ARMC3: variants seen among roughly 807,000 people sequenced by gnomAD.
The protein encoded by ARMC3 is armadillo repeat containing 3.
In ARMC3, 74 loss-of-function variants were observed where a neutral mutation model predicts 90.3. The ratio of observed to expected loss-of-function variants is 0.82; its 90% CI spans 0.68 to 0.99. ARMC3 has a LOEUF of 0.99. ARMC3 is among the 50% of genes least tolerant of loss of function. The pLI is 0.00. For missense variants in ARMC3, 958 were observed against 1,042.8 expected, an observed-to-expected ratio of 0.92 and a Z score of 1.12; for synonymous variants, 334 against 361.8, an observed-to-expected ratio of 0.92 and a Z score of 0.87.
chr10:22,965,734 C>T (rs1217023182), intron 7 of ARMC3, among the ~76,000 whole-genome samples: 2 of 152,032 alleles, frequency 1.3e-5, no homozygotes, highest in Non-Finnish European at 2.9e-5. Context: ...GATTAAATAA[C>T]GTCTTTTGAT....
intron 10 of ARMC3, among the ~76,000 whole-genome samples, chr10:22,982,229 A>T (rs1372396868): frequency 1.3e-5 from 2 of 152,110 alleles, no homozygotes; most frequent in Non-Finnish European, 2.9e-5. Flanking sequence ...ATACAAAAAA[A>T]TAGCTGGGCG....
intron 16 of ARMC3, among the ~76,000 whole-genome samples, chr10:23,019,398 G>A (rs929977290): frequency 1.3e-5 from 2 of 152,174 alleles, no homozygotes; most frequent in African/African-American, 4.8e-5. Flanking sequence ...ATTGATTTCT[G>A]TATACAATTC....
At chr10:22,981,255 C>A (rs1836168620) in intron 8 of ARMC3, 85 bp from the exon 9 acceptor site, 7 of 1,262,706 alleles carry the variant, frequency 5.5e-6, no homozygotes, top group Non-Finnish European at 7.6e-6. Flanking sequence ...GTTTGAATTC[C>A]TATTAGACTT....
At chr10:22,959,904 C>A in intron 6 of ARMC3, 1 of 468,468 alleles carries the variant, frequency 2.1e-6, no homozygotes, top group East Asian at 6.4e-5. Context: ...TTGACTGAAC[C>A]CTGGTGGTCT....
intron 8 of ARMC3, among the ~76,000 whole-genome samples, chr10:22,974,646 T>G (rs1835838545): frequency 6.6e-6 from 1 of 151,882 alleles, no homozygotes; most frequent in East Asian, 1.9e-4. Context: ...TTTTGTTTGT[T>G]TGTTTGTTTG....
intron 15 of ARMC3, among the ~76,000 whole-genome samples, chr10:23,008,583 C>A (rs1837753203): frequency 6.6e-6 from 1 of 152,160 alleles, no homozygotes; most frequent in Non-Finnish European, 1.5e-5. Context: ...CCCTGTGGAC[C>A]TGCAGTGATT....
chr10:22,943,507 C>A (rs1479209137), intron 2 of ARMC3, among the ~76,000 whole-genome samples: 2 of 151,868 alleles, frequency 1.3e-5, no homozygotes, highest in African/African-American at 4.8e-5. Context: ...AATAGCTGGG[C>A]AACATTCCTC....
intron 3 of ARMC3, among the ~76,000 whole-genome samples, chr10:22,954,677 AAAAAAAAAAAAG>A (rs1358822168): frequency 6.6e-6 from 1 of 151,362 alleles, no homozygotes; most frequent in Non-Finnish European, 1.5e-5. Context: ...GTCTCAAGAA[AAAAAAAAAAAAG>A]AAAAAAGAAA....
chr10:23,032,089 T>C (rs1409422058), intron 17 of ARMC3, among the ~76,000 whole-genome samples: 1 of 152,164 alleles, frequency 6.6e-6, no homozygotes, highest in Non-Finnish European at 1.5e-5. Flanking sequence ...CTCATCTCTC[T>C]TTATAAATAC....
rs369778277 is a variant in ARMC3, at chr10:22,959,599, T to G, written c.537+25T>G. On this transcript the variant is annotated intron_variant, in intron 6 of 18. Transcript: ENST00000298032. ...GGTAAGATTAATTTCTAAAAAGCGT[T>G]CTGATGAAAGCTCATTTTAGAATTT... 159 of 1,559,602 alleles carry G rather than the reference T, an allele frequency of 1.0e-4. No individual in the cohort carries two copies. In the African/African-American group the frequency reaches 2.1e-3, roughly 20 times the overall value.
intron 16 of ARMC3, among the ~76,000 whole-genome samples, chr10:23,018,196 C>T (rs910278290): frequency 6.6e-6 from 1 of 152,158 alleles, no homozygotes; most frequent in African/African-American, 2.4e-5. Context: ...ACTCAAAGTC[C>T]CACCCAGGCC....
intron 7 of ARMC3, among the ~76,000 whole-genome samples, chr10:22,962,727 TA>T (rs1835254127): frequency 6.6e-6 from 1 of 152,186 alleles, no homozygotes; most frequent in African/African-American, 2.4e-5. Flanking sequence ...GATAGGAACA[TA>T]TTGAAGGAGA....
intron 17 of ARMC3, among the ~76,000 whole-genome samples, chr10:23,032,265 CTG>C (rs1388715639): frequency 6.6e-6 from 1 of 152,174 alleles, no homozygotes; most frequent in Non-Finnish European, 1.5e-5. Flanking sequence ...GCCCACAGAT[CTG>C]TGACTTTATT....
intron 7 of ARMC3, among the ~76,000 whole-genome samples, chr10:22,962,912 T>C (rs1456881084): frequency 6.6e-6 from 1 of 152,202 alleles, no homozygotes; most frequent in Admixed American, 6.5e-5. Flanking sequence ...GCCTTTGATT[T>C]GTGGATCCCA....
At chr10:22,954,365 A>G (rs1409214648) in intron 3 of ARMC3, among the ~76,000 whole-genome samples, 2 of 152,136 alleles carry the variant, frequency 1.3e-5, no homozygotes, top group African/African-American at 4.8e-5. Context: ...TGTTATGTTT[A>G]TAGAAAAATG....
chr10:23,008,916 A>T lies in ARMC3; in HGVS notation c.2030A>T (p.Lys677Ile). ...ACTGTTCTCAGCAAAAGCGCCACCA[A>T]AGAAAAAGGATGGAGGTAAGAAAGT... The part of the protein sequence containing the change: ...RNTVLSKSAT[K>I]EKGWRKSKGK... Residue 677 changes from lysine to isoleucine, a missense_variant, in exon 16 of 19, where the codon AAA becomes ATA. Transcript: ENST00000298032. The T allele has an allele frequency of 6.2e-7, 1 of 1,613,486 alleles. No homozygotes were observed. The highest frequency in any genetic ancestry group is 8.5e-7 in the Non-Finnish European group (1 of 1,179,636).
chr10:22,982,580 C>T (rs917680109), intron 10 of ARMC3, among the ~76,000 whole-genome samples: 2 of 152,126 alleles, frequency 1.3e-5, no homozygotes, highest in African/African-American at 2.4e-5. Context: ...ACATTTTTAT[C>T]GAAATAGCTG....
At chr10:23,010,100 C>G (rs148980979) in intron 16 of ARMC3, among the ~76,000 whole-genome samples, 83 of 152,000 alleles carry the variant, frequency 5.5e-4, no homozygotes, top group Non-Finnish European at 1.0e-3. Context: ...CCCTGTGGTT[C>G]CAGTCCCATA....
chr10:23,034,792 C>G (rs546976736), intron 18 of ARMC3, among the ~76,000 whole-genome samples: 3 of 152,284 alleles, frequency 2.0e-5, no homozygotes, highest in Admixed American at 6.5e-5. Context: ...GGTTCTGACC[C>G]AGACACTCTT....
Sources: gnomAD v4.1 joint callset for allele counts (sites outside exome capture counted in the v4.1 genomes callset) on GRCh38, gnomAD v4.1.1 for gene constraint, MANE v1.5 for transcripts, NCBI Gene and HGNC (gene_info 2026-07-23, HGNC 2026-07-21) for gene names.